The following OSBP2 variants were observed in gnomAD, a reference collection of about 807,000 sequenced individuals.
OSBP2 encodes the protein oxysterol-binding protein 2.
A neutral mutation model predicts 96.0 loss-of-function variants in OSBP2; 66 were observed. The ratio of observed to expected loss-of-function variants is 0.69; its 90% CI spans 0.56 to 0.84. The LOEUF (loss-of-function observed/expected upper bound fraction) is 0.84, where lower values mean the gene tolerates loss of function less well. OSBP2 is among the 40% of genes least tolerant of loss of function. The probability of loss-of-function intolerance (pLI) is 0.00; values close to 1 mark genes in which losing one functional copy is unlikely to be tolerated. For synonymous variants in OSBP2, 525 were observed against 520.9 expected (o/e 1.01, Z -0.11); for missense variants, 1,038 against 1,222.7 (o/e 0.85, Z 2.25).
intron 2 of OSBP2, among the ~76,000 whole-genome samples, chr22:30,852,337 G>A (rs750191996): frequency 4.6e-5 from 7 of 152,052 alleles, no homozygotes. Context: ...TTTATAAAGG[G>A]CTTATCTGAT....
At chr22:30,741,792 G>A (rs1320814455) in intron 2 of OSBP2, among the ~76,000 whole-genome samples, 1 of 151,974 alleles carries the variant, frequency 6.6e-6, no homozygotes, top group Admixed American at 6.6e-5. Flanking sequence ...CAGATGTCCT[G>A]AGCAAGACAT....
intron 2 of OSBP2, among the ~76,000 whole-genome samples, chr22:30,858,755 T>C (rs2039140152): frequency 6.6e-6 from 1 of 151,210 alleles, no homozygotes; most frequent in African/African-American, 2.4e-5. Context: ...GGTGGATGCT[T>C]GTAATCCCAG....
chr22:30,768,263 C>G (rs2090303011), intron 2 of OSBP2, among the ~76,000 whole-genome samples: 1 of 152,170 alleles, frequency 6.6e-6, no homozygotes, highest in Non-Finnish European at 1.5e-5. Context: ...AGCCCAGGAG[C>G]CAGCCCAGAA....
At chr22:30,771,642 C>T (rs533167991) in intron 2 of OSBP2, among the ~76,000 whole-genome samples, 1 of 152,334 alleles carries the variant, frequency 6.6e-6, no homozygotes, top group Admixed American at 6.5e-5. Context: ...CATTTGTCAG[C>T]CTAGGTTGCT....
intron 12 of OSBP2, among the ~76,000 whole-genome samples, chr22:30,903,413 G>C (rs2040258147): frequency 6.6e-6 from 1 of 152,196 alleles, no homozygotes; most frequent in African/African-American, 2.4e-5. Flanking sequence ...GGGAGCCCTG[G>C]CTCCATGACC....
intron 3 of OSBP2, among the ~76,000 whole-genome samples, chr22:30,874,554 C>T (rs770029247): frequency 1.3e-5 from 2 of 152,212 alleles, no homozygotes; most frequent in South Asian, 2.1e-4. Context: ...GGATGATTCC[C>T]GAGAGCCCAG....
At chr22:30,728,499 AT>A (rs963593655) in intron 1 of OSBP2, among the ~76,000 whole-genome samples, 1 of 151,332 alleles carries the variant, frequency 6.6e-6, no homozygotes, top group South Asian at 2.1e-4. Flanking sequence ...TTGTTTGTTC[AT>A]TTTTTGTTTT....
chr22:30,745,966 T>C (rs2089994778), intron 2 of OSBP2, among the ~76,000 whole-genome samples: 1 of 152,092 alleles, frequency 6.6e-6, no homozygotes, highest in Admixed American at 6.6e-5. Context: ...ATGGACAAAC[T>C]CTTAGAAACA....
In OSBP2 at chr22:30,870,782, A is replaced by T; in HGVS notation, c.1107+100A>T. 2 of 1,280,592 alleles carry T rather than the reference A, an allele frequency of 1.6e-6. No individual in the cohort carries two copies. The highest frequency in any genetic ancestry group is 2.2e-6 in the Non-Finnish European group (2 of 922,932). The allele number at this position is 1,280,592 out of a possible 1,614,324, so 79.3% of individuals were successfully genotyped here. A position where few individuals can be genotyped will look rare whatever the true frequency, so the allele number is the denominator to read the frequency against. The stretch of plus-strand genomic sequence containing the variant: ...GGTCAGCTTGAAGGGTCAGCGTTCC[A>T]TTTCCTGCGGTTCCACGGTGTTTCC... On this transcript the variant is annotated intron_variant, in intron 3 of 13. Transcript: ENST00000332585. The surrounding 1 kb of genome is among the most constrained non-coding windows in gnomAD (Gnocchi z 4.1).
chr22:30,872,153 A>C (rs1264027450), intron 3 of OSBP2, among the ~76,000 whole-genome samples: 1 of 152,176 alleles, frequency 6.6e-6, no homozygotes, highest in African/African-American at 2.4e-5. Context: ...TGTTGGCCCC[A>C]TTGTCACCTG....
At chr22:30,860,481 C>G in intron 2 of OSBP2, among the ~76,000 whole-genome samples, 1 of 152,238 alleles carries the variant, frequency 6.6e-6, no homozygotes, top group Non-Finnish European at 1.5e-5. Context: ...AGGGGAGAAG[C>G]TGAGCATCTT....
intron 2 of OSBP2, among the ~76,000 whole-genome samples, chr22:30,836,796 C>G (rs1166939658): frequency 1.3e-5 from 2 of 152,108 alleles, no homozygotes; most frequent in East Asian, 3.9e-4. Flanking sequence ...GTGATAATCA[C>G]TGGAGTTCTG....
intron 1 of OSBP2, among the ~76,000 whole-genome samples, chr22:30,736,002 C>G (rs757234188): frequency 6.6e-6 from 1 of 152,100 alleles, no homozygotes; most frequent in Non-Finnish European, 1.5e-5. Context: ...CAACCTCTGC[C>G]TCCCAGGTTC....
intron 2 of OSBP2, among the ~76,000 whole-genome samples, chr22:30,838,972 C>A (rs1290114306): frequency 7.8e-6 from 1 of 128,150 alleles, no homozygotes; most frequent in Non-Finnish European, 1.7e-5. Context: ...TATACCTAAT[C>A]TCCCCCCTCC....
At chr22:30,787,909 G>A (rs565428965) in intron 2 of OSBP2, among the ~76,000 whole-genome samples, 1 of 152,264 alleles carries the variant, frequency 6.6e-6, no homozygotes, top group South Asian at 2.1e-4. Flanking sequence ...CGAGGGGCCC[G>A]TGGGTCTTAG....
intron 1 of OSBP2, among the ~76,000 whole-genome samples, chr22:30,711,017 A>G (rs1412013066): frequency 6.6e-6 from 1 of 152,040 alleles, no homozygotes; most frequent in Non-Finnish European, 1.5e-5. Context: ...AGTGCTGGGA[A>G]TACAGGCGTG....
chr22:30,883,092 G>A (rs146890807), intron 3 of OSBP2, among the ~76,000 whole-genome samples: 28 of 152,244 alleles, frequency 1.8e-4, no homozygotes, highest in African/African-American at 6.5e-4. Context: ...TCTGGGGGCT[G>A]TAGGAGACTG....
At chr22:30,741,038 T>G in intron 1 of OSBP2, 123 bp from the exon 2 acceptor site, 1 of 772,804 alleles carries the variant, frequency 1.3e-6, no homozygotes, top group Non-Finnish European at 2.1e-6. Flanking sequence ...CTCCCAACTT[T>G]GACTCCAGGG....
At chr22:30,785,941 A>G (rs1326310222) in intron 2 of OSBP2, among the ~76,000 whole-genome samples, 2 of 152,146 alleles carry the variant, frequency 1.3e-5, no homozygotes, top group African/African-American at 4.8e-5. Context: ...CTGTGAGTCA[A>G]TTAAACCTCT....
Sources: gnomAD v4.1 joint callset for allele counts (sites outside exome capture counted in the v4.1 genomes callset) on GRCh38, gnomAD v4.1.1 for gene constraint, Gnocchi (gnomAD v3.1) non-coding constraint, MANE v1.5 for transcripts, NCBI Gene and HGNC (gene_info 2026-07-23, HGNC 2026-07-21) for gene names.